The following HIVEP2 variants were observed in gnomAD, a reference collection of about 807,000 sequenced individuals.
HIVEP2 encodes transcription factor HIVEP2.
HIVEP2 carries 14 observed loss-of-function variants against 180.7 expected under a neutral mutation model. That is an observed-to-expected ratio of 0.08 (90% CI 0.05 to 0.12). HIVEP2 has a LOEUF of 0.12. Among genes scored for constraint, HIVEP2 ranks in the 10% least tolerant of loss-of-function variants. The pLI is 1.00. For missense variants in HIVEP2, 2,579 were observed against 3,008.5 expected, an observed-to-expected ratio of 0.86 and a Z score of 3.34; for synonymous variants, 1,184 against 1,136.4, an observed-to-expected ratio of 1.04 and a Z score of -0.84.
chr6:142,863,970 G>A (rs891009898), intron 1 of HIVEP2, among the ~76,000 whole-genome samples: 15 of 152,104 alleles, frequency 9.9e-5, no homozygotes, highest in African/African-American at 3.6e-4. Context: ...TGTTTATACT[G>A]CTGTAAACAA....
intron 1 of HIVEP2, among the ~76,000 whole-genome samples, chr6:142,929,683 A>C (rs1442055336): frequency 6.6e-6 from 1 of 152,230 alleles, no homozygotes. Flanking sequence ...ATTTCATACA[A>C]TGAAAAGGAT....
chr6:142,831,945 A>C (rs574324096), intron 2 of HIVEP2, among the ~76,000 whole-genome samples: 1 of 152,274 alleles, frequency 6.6e-6, no homozygotes, highest in African/African-American at 2.4e-5. Context: ...TAATCACAGC[A>C]TTTTGGGAGG....
chr6:142,860,804 A>T (rs1775958336), intron 1 of HIVEP2, among the ~76,000 whole-genome samples: 1 of 152,222 alleles, frequency 6.6e-6, no homozygotes, highest in African/African-American at 2.4e-5. Context: ...TCCGTAGCCC[A>T]GGTACTGGGA....
chr6:142,913,797 C>A (rs1201788604), intron 1 of HIVEP2, among the ~76,000 whole-genome samples: 1 of 152,216 alleles, frequency 6.6e-6, no homozygotes, highest in Non-Finnish European at 1.5e-5. Flanking sequence ...CACCTCCACG[C>A]CATCTCGTGG....
intron 2 of HIVEP2, among the ~76,000 whole-genome samples, chr6:142,813,656 C>A (rs917990553): frequency 2.7e-5 from 4 of 149,800 alleles, no homozygotes; most frequent in African/African-American, 7.4e-5. Context: ...CTCATTGCAG[C>A]CTCAACTTTC....
chr6:142,773,551 A>C lies in HIVEP2; in HGVS notation c.1188T>G (p.Thr396=), dbSNP rs778922493. The C allele has an allele frequency of 4.3e-6, 7 of 1,614,148 alleles. No individual in the cohort carries two copies. The highest frequency in any genetic ancestry group is 1.7e-6 in the Non-Finnish European group (2 of 1,180,062). The change falls in exon 5 of 10, where the codon ACT becomes ACG. Residue 396 remains threonine (T), a synonymous_variant. Transcript: ENST00000367603. The stretch of plus-strand genomic sequence containing the variant: ...CTGAGCGAGAAAAGTAACCAGAATC[A>C]GTGCTTCCTTTACTGTGCGGGCTCA... The part of the protein sequence containing the change: ...NLLSPHSKGS[T]DSGYFSRSES...
At chr6:142,755,504 C>A (rs1427558275) in intron 9 of HIVEP2, among the ~76,000 whole-genome samples, 1 of 152,082 alleles carries the variant, frequency 6.6e-6, no homozygotes, top group South Asian at 2.1e-4. Context: ...TAAAATAAAA[C>A]CGAGCTTGGT....
At chr6:142,763,238 T>A (rs538430865) in intron 7 of HIVEP2, among the ~76,000 whole-genome samples, 1 of 152,146 alleles carries the variant, frequency 6.6e-6, no homozygotes, top group African/African-American at 2.4e-5. Context: ...AAGTAATGTA[T>A]AAGGACAAGG....
Position 142,772,135 on chromosome 6 carries a change from C to A in HIVEP2, c.2604G>T (p.Gln868His). The change falls in exon 5 of 10, where the codon CAG (glutamine) becomes CAT (histidine). Residue 868 changes from glutamine (Q) to histidine (H), a missense_variant. Physicochemically the swap from Gln to His is conservative, Grantham distance 24 (BLOSUM62 0). This residue lies in a region of HIVEP2 where 524 missense variants were observed against 563.6 expected (regional missense o/e 0.93). Coordinates refer to ENST00000367603, the MANE Select transcript of HIVEP2 (RefSeq NM_006734.4). The surrounding 1 kb of genome is among the most constrained non-coding windows in gnomAD (Gnocchi z 4.9). ...ESGGKPSPSQQVQQQSYHTQP... is the reference protein window; with the variant it reads ...ESGGKPSPSQHVQQQSYHTQP... ...GTGTGTGATAGGACTGCTGCTGCAC[C>A]TGCTGAGATGGAGAGGGTTTCCCCC... The A allele has an allele frequency of 6.2e-7, 1 of 1,614,194 alleles. No individual in the cohort carries two copies. Among genetic ancestry groups the A allele is most frequent in the Non-Finnish European group, 8.5e-7 (1 of 1,180,044 alleles).
chr6:142,817,813 G>A (rs2114816977), intron 2 of HIVEP2, among the ~76,000 whole-genome samples: 1 of 152,208 alleles, frequency 6.6e-6, no homozygotes, highest in South Asian at 2.1e-4. Context: ...GAGGTCAGGA[G>A]TTCAAGACCA....
intron 9 of HIVEP2, among the ~76,000 whole-genome samples, chr6:142,754,476 C>T (rs528147793): frequency 6.6e-6 from 1 of 152,158 alleles, no homozygotes; most frequent in South Asian, 2.1e-4. Context: ...GATGACAAAA[C>T]AGTGGTGAGG....
intron 1 of HIVEP2, among the ~76,000 whole-genome samples, chr6:142,915,556 G>A (rs891943202): frequency 1.3e-5 from 2 of 152,104 alleles, no homozygotes; most frequent in African/African-American, 4.8e-5. Context: ...CAGCATGTGG[G>A]ACTTTATCAC....
chr6:142,886,952 G>C (rs1776712063), intron 1 of HIVEP2, among the ~76,000 whole-genome samples: 1 of 152,116 alleles, frequency 6.6e-6, no homozygotes. Context: ...TTAGTACTAA[G>C]ATTTCACAAA....
chr6:142,815,840 A>G (rs1776819639), intron 2 of HIVEP2, among the ~76,000 whole-genome samples: 1 of 152,246 alleles, frequency 6.6e-6, no homozygotes. Context: ...TACTTTAAGA[A>G]TAAGAACTGC....
At chr6:142,768,197 C>G (rs1775421499) in intron 6 of HIVEP2, among the ~76,000 whole-genome samples, 185 bp downstream of exon 6, 1 of 152,106 alleles carries the variant, frequency 6.6e-6, no homozygotes, top group Non-Finnish European at 1.5e-5. Context: ...TCTTGCAAAG[C>G]AAATCCCAAA....
At chr6:142,840,658 TAA>T (rs1457560990) in intron 1 of HIVEP2, among the ~76,000 whole-genome samples, 1 of 152,136 alleles carries the variant, frequency 6.6e-6, no homozygotes, top group Non-Finnish European at 1.5e-5. Context: ...AAAGCTAACA[TAA>T]AGTCATTTCC....
chr6:142,775,070 T>C lies in HIVEP2; in HGVS notation c.-332A>G, dbSNP rs189942190. On this transcript the variant is annotated 5_prime_UTR_variant, in exon 5 of 10. Transcript: ENST00000367603. ...GGGATGATGAATAGTCTAGGAGAAA[T>C]TTTGCCCATCAACTAGAGCAAAGTT... The C allele has an allele frequency of 1.1e-3, 1,168 of 1,047,074 alleles. 1 individual carries two copies. The highest frequency in any genetic ancestry group is 2.7e-3 in the Middle Eastern group (6 of 2,250). 64.9% of individuals were successfully genotyped at this position (1,047,074 alleles called of 1,614,324 possible). A position where few individuals can be genotyped will look rare whatever the true frequency, so the allele number is the denominator to read the frequency against.
intron 1 of HIVEP2, among the ~76,000 whole-genome samples, chr6:142,935,762 G>A (rs1778038822): frequency 6.6e-6 from 1 of 152,064 alleles, no homozygotes; most frequent in African/African-American, 2.4e-5. Context: ...TGTATGCCCA[G>A]CACATGTCAT....
chr6:142,784,151 A>T (rs1183038602), intron 2 of HIVEP2, among the ~76,000 whole-genome samples: 1 of 152,232 alleles, frequency 6.6e-6, no homozygotes, highest in African/African-American at 2.4e-5. Context: ...TATGGAATTA[A>T]TATTTATTCA....
Sources: gnomAD v4.1 joint callset for allele counts (sites outside exome capture counted in the v4.1 genomes callset) on GRCh38, gnomAD v4.1.1 for gene constraint, gnomAD v4.1.1 regional missense constraint, Gnocchi (gnomAD v3.1) non-coding constraint, MANE v1.5 for transcripts, NCBI Gene and HGNC (gene_info 2026-07-23, HGNC 2026-07-21) for gene names.